The following DEPDC1B variants were observed in gnomAD, a reference collection of about 807,000 sequenced individuals.
DEPDC1B encodes DEP domain containing 1B, also known as DEP domain-containing protein 1B.
In DEPDC1B, 51 loss-of-function variants were observed where a neutral mutation model predicts 66.5. The observed-to-expected ratio is 0.77, with a 90% CI of 0.61 to 0.97. The LOEUF is 0.97. DEPDC1B is among the 50% of genes least tolerant of loss of function. DEPDC1B has a pLI of 0.00. For missense variants in DEPDC1B, 552 were observed against 637.1 expected, an observed-to-expected ratio of 0.87 and a Z score of 1.44; for synonymous variants, 226 against 223.6, an observed-to-expected ratio of 1.01 and a Z score of -0.10.
chr5:60,682,856 C>T (rs1039618377), intron 2 of DEPDC1B, among the ~76,000 whole-genome samples: 1 of 152,130 alleles, frequency 6.6e-6, no homozygotes, highest in Non-Finnish European at 1.5e-5. Flanking sequence ...AATTCTACCA[C>T]ACCTTTGAAG....
At position 60,700,097 on chromosome 5, in the gene DEPDC1B, G is replaced by T; in HGVS notation, c.-4C>A. ...GCCCCACGATGCGATGCTCCATGGC[G>T]CGTAGGCAGCAGCGGCCGCAGCCGC... On this transcript the variant is annotated 5_prime_UTR_variant, in exon 1 of 11. Transcript: ENST00000265036. 1 of 1,551,696 alleles carries T rather than the reference G, an allele frequency of 6.4e-7. No homozygotes were observed.
intron 2 of DEPDC1B, among the ~76,000 whole-genome samples, chr5:60,657,386 A>G (rs926988675): frequency 6.6e-6 from 1 of 151,984 alleles, no homozygotes; most frequent in Non-Finnish European, 1.5e-5. Context: ...TTACTGTTTT[A>G]TAGGTCCTGT....
chr5:60,688,455 T>G (rs1362799129), intron 1 of DEPDC1B, among the ~76,000 whole-genome samples: 1 of 152,118 alleles, frequency 6.6e-6, no homozygotes, highest in Non-Finnish European at 1.5e-5. Flanking sequence ...TAGACAAGCC[T>G]CCATTACTCC....
chr5:60,614,423 A>C (rs1752491005), intron 7 of DEPDC1B, among the ~76,000 whole-genome samples: 1 of 152,128 alleles, frequency 6.6e-6, no homozygotes, highest in Admixed American at 6.5e-5. Flanking sequence ...GCTAGGTTCA[A>C]GGGATCCTTC....
chr5:60,634,675 A>AAAAAAAAAAAAT (rs376885269), intron 7 of DEPDC1B, among the ~76,000 whole-genome samples: 2 of 146,458 alleles, frequency 1.4e-5, no homozygotes, highest in Non-Finnish European at 3.0e-5. Flanking sequence ...CTGTCTCAAA[A>AAAAAAAAAAAAT]AAATAAATAA....
chr5:60,645,500 T>C lies in DEPDC1B; in HGVS notation c.570A>G (p.Thr190=), dbSNP rs1484395554. Residue 190 remains threonine, a synonymous_variant, in exon 4 of 11, where the codon ACA becomes ACG. Transcript: ENST00000265036. ...ATATCAAATGTACATACTATGATAA[T>C]GTCATAGACTTCCATATCTCTTCTA... is the stretch of plus-strand genomic sequence containing the variant. ...ANVEEIWKSM[T]LSYLQKILGL... The C allele has an allele frequency of 2.5e-6, 4 of 1,608,390 alleles. No individual in the cohort carries two copies. Among genetic ancestry groups the C allele is most frequent in the South Asian group, 2.2e-5 (2 of 89,968 alleles).
At chr5:60,645,791 C>T (rs934947431) in intron 3 of DEPDC1B, among the ~76,000 whole-genome samples, 172 bp from the exon 4 acceptor site, 3 of 151,960 alleles carry the variant, frequency 2.0e-5, no homozygotes. Flanking sequence ...TTTACATGGA[C>T]CTCAGAGAAG....
chr5:60,615,544 C>G (rs989196802), intron 7 of DEPDC1B, among the ~76,000 whole-genome samples: 1 of 152,210 alleles, frequency 6.6e-6, no homozygotes, highest in Non-Finnish European at 1.5e-5. Context: ...GAGCCTTGCT[C>G]ATTGCTAGCA....
At chr5:60,618,373 A>G (rs893872008) in intron 7 of DEPDC1B, among the ~76,000 whole-genome samples, 6 of 152,320 alleles carry the variant, frequency 3.9e-5, no homozygotes, top group African/African-American at 1.4e-4. Context: ...AAGATCAACA[A>G]AATTGATAGA....
chr5:60,669,276 C>G (rs1436241241), intron 2 of DEPDC1B, among the ~76,000 whole-genome samples: 1 of 152,166 alleles, frequency 6.6e-6, no homozygotes, highest in African/African-American at 2.4e-5. Flanking sequence ...ATAGCTCTCT[C>G]AATGATTTAA....
At chr5:60,670,694 T>C (rs1754015153) in intron 2 of DEPDC1B, among the ~76,000 whole-genome samples, 1 of 152,166 alleles carries the variant, frequency 6.6e-6, no homozygotes, top group Non-Finnish European at 1.5e-5. Context: ...CTAGGAAGAA[T>C]ACAGGTACTG....
chr5:60,692,123 A>C (rs1754559328), intron 1 of DEPDC1B, among the ~76,000 whole-genome samples: 1 of 152,202 alleles, frequency 6.6e-6, no homozygotes, highest in Admixed American at 6.5e-5. Context: ...TATACGTGGA[A>C]TCTAAAACAA....
intron 5 of DEPDC1B, 65 bp from the exon 6 acceptor site, chr5:60,642,924 A>T: frequency 3.2e-6 from 4 of 1,256,940 alleles, no homozygotes; most frequent in Non-Finnish European, 4.5e-6. Flanking sequence ...CATACTTGGT[A>T]TCATAAGAAT....
At chr5:60,610,519 C>T (rs1347028041) in intron 7 of DEPDC1B, among the ~76,000 whole-genome samples, 1 of 152,156 alleles carries the variant, frequency 6.6e-6, no homozygotes, top group Non-Finnish European at 1.5e-5. Flanking sequence ...CTCCGGGCCT[C>T]ACAACAATAG....
At chr5:60,684,000 T>C (rs1055278764) in intron 2 of DEPDC1B, among the ~76,000 whole-genome samples, 5 of 151,520 alleles carry the variant, frequency 3.3e-5, no homozygotes, top group Admixed American at 3.3e-4. Context: ...ATCCCATTTA[T>C]ACTAGCTACA....
chr5:60,679,973 A>T (rs1179193269), intron 2 of DEPDC1B, among the ~76,000 whole-genome samples: 3 of 152,254 alleles, frequency 2.0e-5, no homozygotes, highest in African/African-American at 7.2e-5. Flanking sequence ...TTTAAAGGGG[A>T]AAGTGTCTGA....
chr5:60,597,901 T>C lies in DEPDC1B; in HGVS notation c.1442A>G (p.Tyr481Cys). The change falls in exon 11 of 11, where the codon TAT becomes TGT. Residue 481 changes from tyrosine to cysteine, a missense_variant. Coordinates refer to ENST00000265036, the MANE Select transcript of DEPDC1B (RefSeq NM_018369.3). Reference sequence around the variant, plus strand: ...AAATCGTTCTTGATAGACTTCAGGATAGGATTTCTGAAACTAAAAAAATGA... The same window carrying C: ...AAATCGTTCTTGATAGACTTCAGGACAGGATTTCTGAAACTAAAAAAATGA... Reference protein sequence around the residue: ...KKKLKQFQKSYPEVYQERFPT... With the variant: ...KKKLKQFQKSCPEVYQERFPT... 1.9e-6 allele frequency: 3 copies of C among 1,598,690 alleles called. No homozygotes were observed. Among genetic ancestry groups the C allele is most frequent in the Non-Finnish European group, 2.5e-6 (3 of 1,176,520 alleles).
chr5:60,642,007 A>G (rs2111865798), intron 6 of DEPDC1B, among the ~76,000 whole-genome samples: 1 of 152,312 alleles, frequency 6.6e-6, no homozygotes, highest in East Asian at 1.9e-4. Flanking sequence ...GATTCCCCAC[A>G]TTAAGCTTAA....
At chr5:60,625,689 C>T (rs1325582451) in intron 7 of DEPDC1B, among the ~76,000 whole-genome samples, 6 of 152,138 alleles carry the variant, frequency 3.9e-5, no homozygotes, top group African/African-American at 1.2e-4. Context: ...AAAAAAGATA[C>T]ATTCTACCCC....
Sources: allele counts gnomAD v4.1 joint callset (sites outside exome capture counted in the v4.1 genomes callset), GRCh38; gene constraint gnomAD v4.1.1; transcripts MANE v1.5; gene names NCBI Gene and HGNC (gene_info 2026-07-23, HGNC 2026-07-21).